LYPLAL1: variants seen among roughly 807,000 people sequenced by gnomAD.
LYPLAL1 encodes lysophospholipase like 1.
A neutral mutation model predicts 19.7 loss-of-function variants in LYPLAL1; 23 were observed. That is an observed-to-expected ratio of 1.17 (90% CI 0.84 to 1.65). The LOEUF (loss-of-function observed/expected upper bound fraction) is 1.65. Among genes scored for constraint, LYPLAL1 ranks in the 40% most tolerant of loss-of-function variants. The probability of loss-of-function intolerance (pLI) is 0.00; values close to 1 mark genes in which losing one functional copy is unlikely to be tolerated. For synonymous variants in LYPLAL1, 119 were observed against 96.3 expected, an observed-to-expected ratio of 1.24 and a Z score of -1.38; for missense variants, 355 against 279.4, an observed-to-expected ratio of 1.27 and a Z score of -1.93.
the LYPLAL1 span, among the ~76,000 whole-genome samples, chr1:219,255,187 G>A: frequency 6.6e-6 from 1 of 151,606 alleles, no homozygotes; most frequent in Non-Finnish European, 1.5e-5. Context: ...TGAATTTGGG[G>A]AGAATTGACA....
At chr1:219,237,335 A>T in the LYPLAL1 span, among the ~76,000 whole-genome samples, 2 of 152,198 alleles carry the variant, frequency 1.3e-5, no homozygotes, top group African/African-American at 4.8e-5. Flanking sequence ...AGTAACATCG[A>T]TGTGGATTAT....
chr1:219,356,044 G>T, the LYPLAL1 span, among the ~76,000 whole-genome samples: 17 of 151,932 alleles, frequency 1.1e-4, no homozygotes, highest in Non-Finnish European at 4.4e-5. Context: ...TATGTGCATT[G>T]TATCTGTCGT....
the LYPLAL1 span, among the ~76,000 whole-genome samples, chr1:219,284,098 C>A: frequency 6.6e-6 from 1 of 152,188 alleles, no homozygotes; most frequent in South Asian, 2.1e-4. Flanking sequence ...AGGCAGTTCT[C>A]CCTGCTCTTT....
At chr1:219,197,913 T>C (rs1174629873) in intron 3 of LYPLAL1, among the ~76,000 whole-genome samples, 2 of 152,104 alleles carry the variant, frequency 1.3e-5, no homozygotes, top group Non-Finnish European at 2.9e-5. Context: ...TGAGCACCTA[T>C]ATTTTCTTAG....
At chr1:219,287,404 A>G in the LYPLAL1 span, among the ~76,000 whole-genome samples, 1 of 152,196 alleles carries the variant, frequency 6.6e-6, no homozygotes, top group Non-Finnish European at 1.5e-5. Flanking sequence ...ACCAAAAAAG[A>G]TATATGGATG....
At chr1:219,239,065 A>G in the LYPLAL1 span, among the ~76,000 whole-genome samples, 1 of 152,210 alleles carries the variant, frequency 6.6e-6, no homozygotes, top group East Asian at 1.9e-4. Flanking sequence ...ATTATTTTCT[A>G]TTTCTCTGTC....
At chr1:219,308,761 C>CA in the LYPLAL1 span, among the ~76,000 whole-genome samples, 10 of 152,340 alleles carry the variant, frequency 6.6e-5, no homozygotes, top group South Asian at 2.1e-3. Context: ...CCTGGATGCC[C>CA]AGGCAGAAGT....
At chr1:219,309,534 T>G in the LYPLAL1 span, among the ~76,000 whole-genome samples, 1 of 152,204 alleles carries the variant, frequency 6.6e-6, no homozygotes, top group Non-Finnish European at 1.5e-5. Context: ...CCATGTGTTG[T>G]GGGAGGAACC....
chr1:219,245,350 CAGG>C, the LYPLAL1 span, among the ~76,000 whole-genome samples: 3 of 152,226 alleles, frequency 2.0e-5, no homozygotes, highest in Admixed American at 6.5e-5. Flanking sequence ...ACAGGCTAGT[CAGG>C]GAAGATGAGT....
At chr1:219,217,409 A>ATGTGTGTGTGT (rs1659334658), downstream of LYPLAL1, among the ~76,000 whole-genome samples, 2 of 113,930 alleles carry the variant, frequency 1.8e-5, no homozygotes, top group African/African-American at 3.5e-5. Context: ...TGTGTGTGTG[A>ATGTGTGTGTGT]GAGATGGTTG....
At chr1:219,347,118 T>G in the LYPLAL1 span, among the ~76,000 whole-genome samples, 1 of 152,172 alleles carries the variant, frequency 6.6e-6, no homozygotes, top group Non-Finnish European at 1.5e-5. Flanking sequence ...CATCATCAAT[T>G]TTGCTCTTAT....
chr1:219,217,210 A>T (rs1426208071), downstream of LYPLAL1, among the ~76,000 whole-genome samples: 1 of 152,192 alleles, frequency 6.6e-6, no homozygotes, highest in Non-Finnish European at 1.5e-5. Flanking sequence ...CATACATTTT[A>T]TATGCATGTG....
the LYPLAL1 span, among the ~76,000 whole-genome samples, chr1:219,229,333 GAGAGAC>G: frequency 3.1e-5 from 3 of 95,688 alleles, no homozygotes; most frequent in Admixed American, 1.1e-4. Flanking sequence ...GAGAGAGAGA[GAGAGAC>G]ACGCAGGCTA....
chr1:219,412,278 T>A, the LYPLAL1 span, among the ~76,000 whole-genome samples: 1 of 152,146 alleles, frequency 6.6e-6, no homozygotes, highest in Admixed American at 6.5e-5. Context: ...CCTCCTGCCT[T>A]GGCCTCCCAA....
At chr1:219,322,847 T>C in the LYPLAL1 span, among the ~76,000 whole-genome samples, 1 of 152,188 alleles carries the variant, frequency 6.6e-6, no homozygotes, top group African/African-American at 2.4e-5. Flanking sequence ...AAAGGGAAAT[T>C]AGAAAATCTT....
chr1:219,362,567 A>G, the LYPLAL1 span, among the ~76,000 whole-genome samples: 72 of 152,276 alleles, frequency 4.7e-4, no homozygotes, highest in South Asian at 0.014. Flanking sequence ...AACTTGCCAC[A>G]GGAGGACAAA....
the LYPLAL1 span, among the ~76,000 whole-genome samples, chr1:219,366,931 T>TA: frequency 1.3e-5 from 2 of 152,098 alleles, no homozygotes; most frequent in Admixed American, 1.3e-4. Flanking sequence ...AATGATTTTT[T>TA]ATCCCTTGGT....
At chr1:219,258,027 T>G in the LYPLAL1 span, among the ~76,000 whole-genome samples, 134 of 152,126 alleles carry the variant, frequency 8.8e-4, 1 homozygote, top group African/African-American at 3.1e-3. Flanking sequence ...TACTTACATG[T>G]CTGTTTATAG....
chr1:219,253,734 G>A, the LYPLAL1 span, among the ~76,000 whole-genome samples: 1 of 152,114 alleles, frequency 6.6e-6, no homozygotes, highest in Admixed American at 6.6e-5. Context: ...ATGTGGCAAT[G>A]AGAAGAATGT....
Sources: gnomAD v4.1 joint callset for allele counts (sites outside exome capture counted in the v4.1 genomes callset) on GRCh38, gnomAD v4.1.1 for gene constraint, MANE v1.5 for transcripts, NCBI Gene and HGNC (gene_info 2026-07-23, HGNC 2026-07-21) for gene names.